Variants in PRICKLE2 observed in about 807,000 individuals in gnomAD.
The protein encoded by PRICKLE2 is prickle-like protein 2.
A neutral mutation model predicts 81.4 loss-of-function variants in PRICKLE2; 21 were observed. The ratio of observed to expected loss-of-function variants is 0.26; its 90% CI spans 0.18 to 0.37. The LOEUF (loss-of-function observed/expected upper bound fraction) is 0.37, where lower values mean the gene tolerates loss of function less well. Ranked by LOEUF, PRICKLE2 falls within the 10% of genes least tolerant of loss-of-function variation. The pLI, the probability that PRICKLE2 is intolerant of heterozygous loss-of-function variation, is 1.00. For synonymous variants in PRICKLE2, 456 were observed against 421.5 expected, an observed-to-expected ratio of 1.08 and a Z score of -1.00; for missense variants, 940 against 1,109.0, an observed-to-expected ratio of 0.85 and a Z score of 2.16.
intron 7 of PRICKLE2, among the ~76,000 whole-genome samples, chr3:64,123,730 T>C (rs149156033): frequency 2.8e-3 from 424 of 152,330 alleles, no homozygotes; most frequent in Middle Eastern, 0.014. Context: ...TTTTGGGATA[T>C]CATGAATTGC....
chr3:64,258,836 A>AG, intron 2 of PRICKLE2, among the ~76,000 whole-genome samples: 1 of 133,674 alleles, frequency 7.5e-6, no homozygotes, highest in African/African-American at 2.9e-5. Context: ...AAAAAAAAAA[A>AG]AAAAAAAAAA....
At chr3:64,207,692 A>C (rs1395695590) in intron 1 of PRICKLE2, among the ~76,000 whole-genome samples, 1 of 152,224 alleles carries the variant, frequency 6.6e-6, no homozygotes, top group Non-Finnish European at 1.5e-5. Context: ...ACATATACTT[A>C]CGGGTATCAC....
chr3:64,176,529 TC>T (rs1403572597), intron 2 of PRICKLE2, among the ~76,000 whole-genome samples: 1 of 152,222 alleles, frequency 6.6e-6, no homozygotes, highest in Non-Finnish European at 1.5e-5. Context: ...ATTCAAGTTT[TC>T]AAGTGTCCAA....
At chr3:64,245,950 A>G (rs931204633) in intron 2 of PRICKLE2, among the ~76,000 whole-genome samples, 12 of 152,174 alleles carry the variant, frequency 7.9e-5, no homozygotes, top group African/African-American at 2.9e-4. Context: ...TCTCCTGAAT[A>G]TCATTTAAAA....
rs187252200 is a variant in PRICKLE2, at chr3:64,142,781, G to A, written c.1660+4049C>T. 5.3e-5 allele frequency among the ~76,000 whole-genome samples: 8 copies of A among 152,286 alleles called. No individual in the cohort carries two copies. In the East Asian group the frequency reaches 1.5e-3, roughly 29 times the overall value. ...ATTATAGAAGGTCATATGTGTCAAA[G>A]ACTATATTAATGATTTTAAACGCAA... is the stretch of plus-strand genomic sequence containing the variant. On this transcript the variant is annotated intron_variant, in intron 7 of 7. Coordinates refer to ENST00000638394, the MANE Select transcript of PRICKLE2 (RefSeq NM_198859.4).
At chr3:64,267,635 T>C (rs2079730861) in intron 2 of PRICKLE2, among the ~76,000 whole-genome samples, 1 of 152,162 alleles carries the variant, frequency 6.6e-6, no homozygotes, top group South Asian at 2.1e-4. Context: ...AATACAATAA[T>C]ACCACCATCG....
chr3:64,182,610 G>T (rs1445466340), intron 2 of PRICKLE2: 3 of 152,172 alleles, frequency 2.0e-5, no homozygotes, highest in Non-Finnish European at 4.4e-5. Flanking sequence ...TGAGGATGCA[G>T]CAAGAAAGCC....
Position 64,160,006 on chromosome 3 carries a change from G to A in PRICKLE2, c.330C>T (p.Arg110=), listed in dbSNP as rs751122249. The A allele has an allele frequency of 2.4e-5, 38 of 1,613,992 alleles. No homozygotes were observed. The highest frequency in any genetic ancestry group is 8.9e-5 in the East Asian group (4 of 44,890). ...ELKLFSSQRK[R]ENLGRGNVRP... ...TGACATTCCCGCGGCCCAAGTTTTC[G>A]CGTTTCCTCTGGCTGCTGAAAAGCT... Residue 110 remains arginine (R), a synonymous_variant, in exon 4 of 8, where the codon CGC becomes CGT. Coordinates refer to ENST00000638394, the MANE Select transcript of PRICKLE2 (RefSeq NM_198859.4).
At chr3:64,225,754 A>G (rs1033338694), upstream of PRICKLE2, among the ~76,000 whole-genome samples, 1 of 152,102 alleles carries the variant, frequency 6.6e-6, no homozygotes, top group African/African-American at 2.4e-5. Context: ...CTTAGGTGCC[A>G]AGGTTCAGAT....
chr3:64,127,271 C>A (rs540016265), intron 7 of PRICKLE2, among the ~76,000 whole-genome samples: 1 of 152,270 alleles, frequency 6.6e-6, no homozygotes, highest in African/African-American at 2.4e-5. Context: ...CCAGGGAGAA[C>A]CCCCATCCTG....
chr3:64,227,068 G>A (rs986512048), upstream of PRICKLE2, among the ~76,000 whole-genome samples: 2 of 152,212 alleles, frequency 1.3e-5, no homozygotes, highest in African/African-American at 4.8e-5. Context: ...GTTAAATTAT[G>A]TCTTTTGTTG....
At chr3:64,224,641 T>A (rs973093141) in intron 1 of PRICKLE2, among the ~76,000 whole-genome samples, 1 of 152,174 alleles carries the variant, frequency 6.6e-6, no homozygotes, top group Admixed American at 6.5e-5. Flanking sequence ...AGCTACACTT[T>A]TAGAGAAACG....
chr3:64,248,120 A>G lies in PRICKLE2; in HGVS notation c.129-49153T>C, dbSNP rs554655742. 2.8e-4 allele frequency among the ~76,000 whole-genome samples: 42 copies of G among 152,340 alleles called. 1 individual carries two copies. In the South Asian group the frequency reaches 8.3e-3, roughly 30 times the overall value. On this transcript the variant is annotated intron_variant, in intron 2 of 8. Coordinates refer to the PRICKLE2 transcript ENST00000295902. ...CATTTCAGTTTTAAAAAGGCAGCCC[A>G]CTATCTCACCAGATGAAAATGTAAG...
chr3:64,187,624 T>C (rs2078259546), intron 2 of PRICKLE2: 1 of 152,222 alleles, frequency 6.6e-6, no homozygotes, highest in Non-Finnish European at 1.5e-5. Flanking sequence ...AATGATGGTT[T>C]TTATGGGGGT....
At chr3:64,224,681 C>T (rs532999781) in intron 1 of PRICKLE2, among the ~76,000 whole-genome samples, 15 of 152,216 alleles carry the variant, frequency 9.9e-5, no homozygotes, top group African/African-American at 3.4e-4. Context: ...AAGATTTAAG[C>T]GTTTCTTCAG....
chr3:64,126,372 A>C (rs548970400), intron 7 of PRICKLE2, among the ~76,000 whole-genome samples: 1 of 152,356 alleles, frequency 6.6e-6, no homozygotes, highest in African/African-American at 2.4e-5. Flanking sequence ...AAACCACGGC[A>C]GGTAGTTTCA....
intron 1 of PRICKLE2, 105 bp from the exon 2 acceptor site, chr3:64,199,072 C>T: frequency 9.7e-7 from 1 of 1,035,516 alleles, no homozygotes; most frequent in African/African-American, 1.6e-5. Flanking sequence ...AAACACATTC[C>T]TTGGCAATGG....
At chr3:64,202,013 T>G (rs1366884221) in intron 1 of PRICKLE2, among the ~76,000 whole-genome samples, 1 of 152,176 alleles carries the variant, frequency 6.6e-6, no homozygotes, top group Non-Finnish European at 1.5e-5. Context: ...TGAATTGTCT[T>G]GGTACCCTTG....
At chr3:64,263,944 C>T (rs1216333723) in intron 2 of PRICKLE2, among the ~76,000 whole-genome samples, 1 of 152,106 alleles carries the variant, frequency 6.6e-6, no homozygotes, top group Non-Finnish European at 1.5e-5. Flanking sequence ...TCATGGACTG[C>T]TGTCTACAGA....
Sources: allele counts gnomAD v4.1 joint callset (sites outside exome capture counted in the v4.1 genomes callset), GRCh38; gene constraint gnomAD v4.1.1; transcripts MANE v1.5; gene names NCBI Gene and HGNC (gene_info 2026-07-23, HGNC 2026-07-21).